CHL1: variants seen among roughly 807,000 people sequenced by gnomAD.
CHL1 encodes the protein neural cell adhesion molecule L1-like protein.
In CHL1, 96 loss-of-function variants were observed where a neutral mutation model predicts 141.9. The ratio of observed to expected loss-of-function variants is 0.68; its 90% confidence interval spans 0.57 to 0.80. The LOEUF (loss-of-function observed/expected upper bound fraction) is 0.80. CHL1 is among the 30% of genes least tolerant of loss of function. CHL1 has a pLI of 0.00. For synonymous variants in CHL1, 613 were observed against 502.2 expected, an observed-to-expected ratio of 1.22 and a Z score of -2.95; for missense variants, 1,820 against 1,457.2, an observed-to-expected ratio of 1.25 and a Z score of -4.05.
In CHL1 at chr3:402,048, G is replaced by C. The variant is rs74516839; in HGVS notation, c.3458+350G>C. ...AATTTGCATCCACACACGCATATCTGTATACCTACAGCGTTGCACCTGCAA... is the reference window on the plus strand; with the variant it reads ...AATTTGCATCCACACACGCATATCTCTATACCTACAGCGTTGCACCTGCAA... On this transcript the variant is annotated intron_variant, in intron 27 of 27. Coordinates refer to ENST00000256509, the MANE Select transcript of CHL1 (RefSeq NM_006614.4). Among the ~76,000 whole-genome samples the C allele has an allele frequency of 4.3e-3, 662 of 152,254 alleles. 3 individuals carry two copies. Among genetic ancestry groups the C allele is most frequent in the Non-Finnish European group, 6.0e-3 (406 of 68,028 alleles).
intron 1 of CHL1, among the ~76,000 whole-genome samples, chr3:205,315 T>C (rs1001617193): frequency 1.3e-5 from 2 of 152,146 alleles, no homozygotes; most frequent in South Asian, 2.1e-4. Flanking sequence ...GGTTTCACTA[T>C]GTTGTCCAGG....
chr3:372,062 G>T (rs574500267), intron 15 of CHL1, among the ~76,000 whole-genome samples: 57 of 152,192 alleles, frequency 3.7e-4, no homozygotes, highest in African/African-American at 1.3e-3. Flanking sequence ...TTCAGCCTTA[G>T]AGAATCTGAT....
chr3:253,724 A>T (rs891885269), intron 2 of CHL1, among the ~76,000 whole-genome samples: 1 of 152,182 alleles, frequency 6.6e-6, no homozygotes, highest in African/African-American at 2.4e-5. Context: ...TATTTGAACA[A>T]AAACTTGCAG....
chr3:377,047 T>A (rs553104160), intron 15 of CHL1, among the ~76,000 whole-genome samples: 1 of 152,342 alleles, frequency 6.6e-6, no homozygotes, highest in South Asian at 2.1e-4. Context: ...ATTTAAGTTA[T>A]TTCAACAAAA....
chr3:369,248 A>G (rs985566453), intron 15 of CHL1, among the ~76,000 whole-genome samples: 1 of 139,048 alleles, frequency 7.2e-6, no homozygotes, highest in East Asian at 2.1e-4. Context: ...TTTTTTTTTC[A>G]TTTGTTTATG....
chr3:289,600 G>C (rs1193169302), intron 2 of CHL1, among the ~76,000 whole-genome samples: 1 of 151,952 alleles, frequency 6.6e-6, no homozygotes, highest in East Asian at 1.9e-4. Flanking sequence ...CACGACTCTG[G>C]CCACATTTTT....
chr3:320,634 C>T (rs1178253955), intron 3 of CHL1, among the ~76,000 whole-genome samples: 2 of 151,810 alleles, frequency 1.3e-5, no homozygotes, highest in African/African-American at 4.8e-5. Context: ...CTATAGTGTG[C>T]AATGATCACA....
At chr3:293,981 C>G (rs987292969) in intron 2 of CHL1, among the ~76,000 whole-genome samples, 1 of 151,778 alleles carries the variant, frequency 6.6e-6, no homozygotes, top group Admixed American at 6.6e-5. Context: ...AGGTTAATCT[C>G]AAACTCCTGA....
intron 1 of CHL1, among the ~76,000 whole-genome samples, chr3:201,731 T>C (rs1460555167): frequency 1.3e-5 from 2 of 152,240 alleles, no homozygotes; most frequent in African/African-American, 4.8e-5. Context: ...TTATATTTTA[T>C]GCTTTGACCA....
chr3:376,800 T>A (rs1290830343), intron 15 of CHL1, among the ~76,000 whole-genome samples: 1 of 152,212 alleles, frequency 6.6e-6, no homozygotes, highest in East Asian at 1.9e-4. Context: ...AGTTTTATTA[T>A]GTCTAGAATT....
intron 24 of CHL1, among the ~76,000 whole-genome samples, chr3:397,519 A>T (rs1708777528): frequency 6.6e-6 from 1 of 152,102 alleles, no homozygotes; most frequent in South Asian, 2.1e-4. Context: ...AAAGCTGTGG[A>T]TCACATGCAA....
chr3:221,358 A>G (rs1018921360), intron 1 of CHL1, among the ~76,000 whole-genome samples: 12 of 152,214 alleles, frequency 7.9e-5, no homozygotes, highest in African/African-American at 2.4e-4. Flanking sequence ...TATAGTAATC[A>G]GTGCATTTTG....
At chr3:352,392 T>C (rs921784994) in intron 10 of CHL1, among the ~76,000 whole-genome samples, 3 of 152,206 alleles carry the variant, frequency 2.0e-5, no homozygotes, top group African/African-American at 7.2e-5. Context: ...TAAACATCTC[T>C]ATTTAGCTTG....
At chr3:215,984 C>T (rs1319778562) in intron 1 of CHL1, among the ~76,000 whole-genome samples, 13 of 152,046 alleles carry the variant, frequency 8.6e-5, no homozygotes, top group Non-Finnish European at 1.8e-4. Flanking sequence ...CAACTGCAAG[C>T]CTAAACCATT....
chr3:341,999 G>A lies in CHL1; in HGVS notation c.596G>A (p.Arg199His), dbSNP rs200205248. The stretch of plus-strand genomic sequence containing the variant: ...GCAAACGTGGAAGAAAAGGACAGTC[G>A]CAATGACTACTGTTGCTTTGCTGCA... Reference protein sequence around the residue: ...YFANVEEKDSRNDYCCFAAFP... With the variant: ...YFANVEEKDSHNDYCCFAAFP... The change falls in exon 7 of 28, where the codon CGC (arginine) becomes CAC (histidine). Residue 199 changes from arginine to histidine, a missense_variant. Transcript: ENST00000256509. 1.2e-5 allele frequency: 19 copies of A among 1,613,446 alleles called. No homozygotes were observed. The highest frequency in any genetic ancestry group is 6.7e-5 in the Admixed American group (4 of 59,966).
At chr3:331,475 CG>C (rs1701434464) in intron 5 of CHL1, among the ~76,000 whole-genome samples, 1 of 152,078 alleles carries the variant, frequency 6.6e-6, no homozygotes, top group Non-Finnish European at 1.5e-5. Flanking sequence ...CTCCCAGCCT[CG>C]AGCAATCTTC....
chr3:403,494 C>A (rs1022351617), intron 27 of CHL1, among the ~76,000 whole-genome samples: 2 of 152,106 alleles, frequency 1.3e-5, no homozygotes, highest in Non-Finnish European at 2.9e-5. Flanking sequence ...TTGCAGTAAG[C>A]TGAGATTGTG....
chr3:291,697 C>G (rs937284269), intron 2 of CHL1, among the ~76,000 whole-genome samples: 2 of 151,890 alleles, frequency 1.3e-5, no homozygotes, highest in East Asian at 3.9e-4. Flanking sequence ...TTTTTTTTCT[C>G]ATTTTTTTAA....
chr3:320,089 A>T (rs1700443483), intron 3 of CHL1, among the ~76,000 whole-genome samples: 1 of 152,010 alleles, frequency 6.6e-6, no homozygotes, highest in African/African-American at 2.4e-5. Flanking sequence ...TCCTTATGCA[A>T]ACTTAGAACA....
Sources: gnomAD v4.1 joint callset for allele counts (sites outside exome capture counted in the v4.1 genomes callset) on GRCh38, gnomAD v4.1.1 for gene constraint, MANE v1.5 for transcripts, NCBI Gene and HGNC (gene_info 2026-07-23, HGNC 2026-07-21) for gene names.